The following FCHSD2 variants were observed in gnomAD, a reference collection of about 807,000 sequenced individuals.
FCHSD2 encodes F-BAR and double SH3 domains protein 2.
Under a neutral mutation model 108.1 loss-of-function variants are expected in FCHSD2, and 38 were observed. That is an observed-to-expected ratio of 0.35 (90% CI 0.27 to 0.46). The LOEUF (loss-of-function observed/expected upper bound fraction) is 0.46. FCHSD2 is among the 20% of genes least tolerant of loss of function. The pLI is 1.00. For synonymous variants in FCHSD2, 279 were observed against 314.7 expected (o/e 0.89, Z 1.20); for missense variants, 751 against 897.8 (o/e 0.84, Z 2.09).
At chr11:72,942,831 G>A (rs964731599) in intron 8 of FCHSD2, among the ~76,000 whole-genome samples, 1 of 152,050 alleles carries the variant, frequency 6.6e-6, no homozygotes, top group African/African-American at 2.4e-5. Context: ...ACCCAGGCTG[G>A]AGTGCAGTGG....
At chr11:72,851,031 G>A (rs989655807) in intron 13 of FCHSD2, among the ~76,000 whole-genome samples, 5 of 147,746 alleles carry the variant, frequency 3.4e-5, no homozygotes, top group African/African-American at 1.3e-4. Context: ...CCCAGGAGGT[G>A]GAGACTAAGT....
At chr11:72,911,494 T>C (rs1855763497) in intron 9 of FCHSD2, among the ~76,000 whole-genome samples, 1 of 152,198 alleles carries the variant, frequency 6.6e-6, no homozygotes, top group Admixed American at 6.5e-5. Flanking sequence ...GTCAAAATTT[T>C]AGGATTGCTT....
chr11:72,985,796 A>T (rs919918598), intron 6 of FCHSD2, among the ~76,000 whole-genome samples: 1 of 152,186 alleles, frequency 6.6e-6, no homozygotes, highest in Non-Finnish European at 1.5e-5. Flanking sequence ...AGGTAGTACA[A>T]ACATGTTGAT....
chr11:72,918,224 C>G (rs1419030493), intron 9 of FCHSD2, among the ~76,000 whole-genome samples: 1 of 151,900 alleles, frequency 6.6e-6, no homozygotes, highest in Non-Finnish European at 1.5e-5. Flanking sequence ...AGAGATGCAA[C>G]TGATTTTTGT....
chr11:72,836,842 C>T lies in FCHSD2; in HGVS notation c.*1949G>A, dbSNP rs1304692032. 5 of 152,510 alleles carry T rather than the reference C, an allele frequency of 3.3e-5. No homozygotes were observed. The highest frequency in any genetic ancestry group is 4.8e-5 in the African/African-American group (2 of 41,390). The allele number at this position is 152,510 out of a possible 1,614,324, so 9.4% of individuals were successfully genotyped here. ...AGCACATCTGCACAGAGGCTCCCTC[C>T]GAGCCCTGACCTGTGCACTGTGGTG... On this transcript the variant is annotated 3_prime_UTR_variant, in exon 20 of 20. Transcript: ENST00000409418.
intron 13 of FCHSD2, among the ~76,000 whole-genome samples, chr11:72,852,568 G>C (rs1385447718): frequency 6.6e-6 from 1 of 152,032 alleles, no homozygotes; most frequent in Non-Finnish European, 1.5e-5. Context: ...GGAGGCTGAG[G>C]CACGAGAATT....
intron 3 of FCHSD2, among the ~76,000 whole-genome samples, chr11:73,081,476 T>C (rs1009763935): frequency 6.6e-6 from 1 of 152,160 alleles, no homozygotes. Flanking sequence ...GACTGTATCA[T>C]ATAAAAATTT....
intron 4 of FCHSD2, among the ~76,000 whole-genome samples, chr11:73,012,703 A>C (rs570293033): frequency 8.5e-5 from 13 of 152,244 alleles, no homozygotes; most frequent in African/African-American, 2.6e-4. Context: ...TCATTGTATA[A>C]TTCTTCATCT....
At position 72,849,742 on chromosome 11, in the gene FCHSD2, G is replaced by A. The variant is rs1187100219; in HGVS notation, c.1443+13C>T. ...ATCAGAATTTAATAACATTATGTTG[G>A]AGAAATACAAACCTTGTAGGAATAA... On this transcript the variant is annotated intron_variant, in intron 14 of 19. Transcript: ENST00000409418. 3 of 1,595,220 alleles carry A rather than the reference G, an allele frequency of 1.9e-6. No individual in the cohort carries two copies. Among genetic ancestry groups the A allele is most frequent in the Non-Finnish European group, 2.6e-6 (3 of 1,164,680 alleles).
intron 9 of FCHSD2, among the ~76,000 whole-genome samples, chr11:72,919,796 T>C (rs1159134993): frequency 2.0e-5 from 3 of 151,608 alleles, no homozygotes; most frequent in African/African-American, 7.2e-5. Context: ...AAAAATACAA[T>C]TTATAATAAA....
At chr11:73,082,376 A>G (rs1300432199) in intron 3 of FCHSD2, among the ~76,000 whole-genome samples, 3 of 144,750 alleles carry the variant, frequency 2.1e-5, no homozygotes, top group Non-Finnish European at 4.7e-5. Flanking sequence ...AAGAAAAAGC[A>G]TTCAACAGAA....
intron 14 of FCHSD2, among the ~76,000 whole-genome samples, chr11:72,843,859 T>C (rs1861043069): frequency 6.6e-6 from 1 of 151,332 alleles, no homozygotes; most frequent in Non-Finnish European, 1.5e-5. Flanking sequence ...ATAAATAAAA[T>C]TAGTCAGGCA....
intron 4 of FCHSD2, among the ~76,000 whole-genome samples, chr11:73,002,947 T>A (rs1857656166): frequency 6.6e-6 from 1 of 152,226 alleles, no homozygotes; most frequent in African/African-American, 2.4e-5. Flanking sequence ...TGTCTTGCTA[T>A]TGCAAGGACC....
At chr11:73,071,995 T>G (rs1859448465) in intron 3 of FCHSD2, among the ~76,000 whole-genome samples, 1 of 152,052 alleles carries the variant, frequency 6.6e-6, no homozygotes, top group Admixed American at 6.6e-5. Flanking sequence ...TAAAAAATCT[T>G]ATTTTTTGAT....
At chr11:72,922,962 C>T (rs1392541774) in intron 8 of FCHSD2, among the ~76,000 whole-genome samples, 1 of 152,170 alleles carries the variant, frequency 6.6e-6, no homozygotes, top group East Asian at 1.9e-4. Flanking sequence ...TTCCTTCCCC[C>T]AGCCCCTGGC....
rs1338118846 is a variant in FCHSD2 at position 72,841,145 on chromosome 11, G to A, written c.2057-186C>T. ...ATCCCACCACTGCACTCCAGCCTGGGTGACAGAATAATACCCTTTGTCCAG... is the reference window on the plus strand; with the variant it reads ...ATCCCACCACTGCACTCCAGCCTGGATGACAGAATAATACCCTTTGTCCAG... On this transcript the variant is annotated intron_variant, in intron 18 of 19. Transcript: ENST00000409418. Among the ~76,000 whole-genome samples, 6 of 151,932 alleles carry A rather than the reference G, an allele frequency of 3.9e-5. No homozygotes were observed. In the East Asian group the frequency reaches 1.2e-3, roughly 29 times the overall value.
intron 2 of FCHSD2, among the ~76,000 whole-genome samples, chr11:73,102,621 G>A (rs930073050): frequency 6.6e-6 from 1 of 152,206 alleles, no homozygotes; most frequent in Non-Finnish European, 1.5e-5. Context: ...ACTTTTAAGA[G>A]ATGATTAGGC....
intron 3 of FCHSD2, among the ~76,000 whole-genome samples, chr11:73,025,999 T>C (rs528989747): frequency 6.7e-6 from 1 of 150,122 alleles, no homozygotes; most frequent in Admixed American, 6.6e-5. Context: ...ATTTTATGTA[T>C]GTATGTATGT....
At position 72,894,111 on chromosome 11, in the gene FCHSD2, A is replaced by G. The variant is rs1855372636; in HGVS notation, c.925-4166T>C. The stretch of plus-strand genomic sequence containing the variant: ...TGGTCATGTATGATGAATGAAAATC[A>G]CTAACAGTAAAATACTAGCATTCCA... On this transcript the variant is annotated intron_variant, in intron 10 of 19. Coordinates refer to ENST00000409418, the MANE Select transcript of FCHSD2 (RefSeq NM_014824.3). 2.0e-5 allele frequency among the ~76,000 whole-genome samples: 3 copies of G among 152,258 alleles called. No individual in the cohort carries two copies. In the South Asian group the frequency reaches 6.2e-4, roughly 31 times the overall value.
Sources: allele counts gnomAD v4.1 joint callset (sites outside exome capture counted in the v4.1 genomes callset), GRCh38; gene constraint gnomAD v4.1.1; transcripts MANE v1.5; gene names NCBI Gene and HGNC (gene_info 2026-07-23, HGNC 2026-07-21).